The following XPNPEP1 variants were observed in gnomAD, a reference collection of about 807,000 sequenced individuals.
The protein encoded by XPNPEP1 is X-prolyl aminopeptidase 1.
XPNPEP1 carries 39 observed loss-of-function variants against 92.4 expected under a neutral mutation model. The ratio of observed to expected loss-of-function variants is 0.42; its 90% CI spans 0.33 to 0.55. The LOEUF is 0.55. Among genes scored for constraint, XPNPEP1 ranks in the 20% least tolerant of loss-of-function variants. XPNPEP1 has a pLI of 0.08. For synonymous variants in XPNPEP1, 307 were observed against 299.4 expected, an observed-to-expected ratio of 1.03 and a Z score of -0.26; for missense variants, 654 against 856.1, an observed-to-expected ratio of 0.76 and a Z score of 2.95.
At position 109,865,245 on chromosome 10, in the gene XPNPEP1, C is replaced by A. The variant is rs781482813; in HGVS notation, c.1940G>T (p.Gly647Val). The A allele has an allele frequency of 1.2e-5, 20 of 1,614,064 alleles. No individual in the cohort carries two copies. Among genetic ancestry groups the A allele is most frequent in the Non-Finnish European group, 1.5e-5 (18 of 1,180,040 alleles). Reference protein sequence around the residue: ...DVIGKELQKQGRQEALEWLIR... With the variant: ...DVIGKELQKQVRQEALEWLIR... ...GAGCCACTCGAGAGCTTCCTGGCGGCCCTGTTTCTGCAATTCCTTCCCAAT... is the reference window on the plus strand; with the variant it reads ...GAGCCACTCGAGAGCTTCCTGGCGGACCTGTTTCTGCAATTCCTTCCCAAT... Residue 647 changes from glycine to valine, a missense_variant, in exon 21 of 21, where the codon GGC becomes GTC. Gly to Val is a moderately radical substitution (Grantham distance 109). Coordinates refer to ENST00000502935, the MANE Select transcript of XPNPEP1 (RefSeq NM_020383.4).
intron 9 of XPNPEP1, chr10:109,883,691 C>T (rs758086156): frequency 7.8e-5 from 14 of 178,888 alleles, no homozygotes; most frequent in African/African-American, 2.4e-4. Context: ...TTCAACAAAG[C>T]GTAGTTGGAG....
chr10:109,893,173 G>T, intron 3 of XPNPEP1, 98 bp from the exon 4 acceptor site: 1 of 1,150,574 alleles, frequency 8.7e-7, no homozygotes, highest in Non-Finnish European at 1.3e-6. Context: ...GGACTATGAA[G>T]ACTGGGGAAT....
intron 2 of XPNPEP1, among the ~76,000 whole-genome samples, chr10:109,912,248 G>C (rs375064438): frequency 6.6e-6 from 1 of 152,132 alleles, no homozygotes; most frequent in African/African-American, 2.4e-5. Flanking sequence ...CCTTCAGGCC[G>C]ATCACATTCA....
intron 20 of XPNPEP1, among the ~76,000 whole-genome samples, chr10:109,865,532 A>C (rs1405164184): frequency 1.3e-5 from 2 of 152,214 alleles, no homozygotes; most frequent in African/African-American, 4.8e-5. Context: ...AAAGGCTCCC[A>C]GAACAGTTTA....
chr10:109,914,662 G>A lies in XPNPEP1; in HGVS notation c.121+349C>T, dbSNP rs897506209. ...AAATACAAAATTAGCTGGGCGTGGTGTCGGGCGCCTGTAATCCCAGCTACT... is the reference window on the plus strand; with the variant it reads ...AAATACAAAATTAGCTGGGCGTGGTATCGGGCGCCTGTAATCCCAGCTACT... On this transcript the variant is annotated intron_variant, in intron 2 of 20. Transcript: ENST00000502935. Among the ~76,000 whole-genome samples the A allele has an allele frequency of 5.3e-5, 8 of 152,026 alleles. No individual in the cohort carries two copies. In the East Asian group the frequency reaches 5.8e-4, roughly 11 times the overall value.
chr10:109,910,697 AG>A (rs1849821056), intron 2 of XPNPEP1, among the ~76,000 whole-genome samples: 1 of 152,180 alleles, frequency 6.6e-6, no homozygotes, highest in Non-Finnish European at 1.5e-5. Flanking sequence ...GGTTGTTTCC[AG>A]GTTCTGGTAA....
intron 3 of XPNPEP1, among the ~76,000 whole-genome samples, chr10:109,901,881 A>G (rs984451047): frequency 2.0e-5 from 3 of 152,248 alleles, no homozygotes; most frequent in African/African-American, 7.2e-5. Flanking sequence ...CCATATTTGA[A>G]ACCACAGCAT....
chr10:109,877,817 C>G lies in XPNPEP1; in HGVS notation c.1292G>C (p.Gly431Ala). The G allele has an allele frequency of 1.2e-6, 2 of 1,614,200 alleles. No individual in the cohort carries two copies. The highest frequency in any genetic ancestry group is 1.7e-6 in the Non-Finnish European group (2 of 1,180,046). ...DLSFPTISST[G>A]PNGAIIHYAP... ...GTAGTGAATGATGGCGCCGTTGGGT[C>G]CCGTACTGGAAATTGTTGGGAAGCT... The change falls in exon 14 of 21, where the codon GGA (glycine) becomes GCA (alanine). Residue 431 changes from glycine to alanine, a missense_variant. Physicochemically the swap from Gly to Ala is moderately conservative, Grantham distance 60. Transcript: ENST00000502935.
intron 10 of XPNPEP1, among the ~76,000 whole-genome samples, chr10:109,881,975 T>C (rs997118429): frequency 5.9e-5 from 9 of 152,148 alleles, no homozygotes; most frequent in Admixed American, 2.6e-4. Flanking sequence ...AGAGAAGCAT[T>C]TCCCAAGCTT....
intron 19 of XPNPEP1, 200 bp downstream of exon 19, chr10:109,869,753 G>C (rs1173477853): frequency 3.9e-6 from 2 of 511,266 alleles, no homozygotes; most frequent in Non-Finnish European, 3.5e-6. Context: ...GAAAGTCCCT[G>C]ATATCTGGAG....
Position 109,866,584 on chromosome 10 carries a change from G to A in XPNPEP1, c.1873-1272C>T, listed in dbSNP as rs574451129. Among the ~76,000 whole-genome samples, 12 of 152,332 alleles carry A rather than the reference G, an allele frequency of 7.9e-5. No homozygotes were observed. In the South Asian group the frequency reaches 2.1e-3, roughly 26 times the overall value. On this transcript the variant is annotated intron_variant, in intron 20 of 20. Coordinates refer to ENST00000502935, the MANE Select transcript of XPNPEP1 (RefSeq NM_020383.4). Reference sequence around the variant, plus strand: ...GTTGGAAGTAGGGAGGGAAAAGTGGGAGTGTGGACAGCCTCGGTGGAGCCT... The same window carrying A: ...GTTGGAAGTAGGGAGGGAAAAGTGGAAGTGTGGACAGCCTCGGTGGAGCCT...
intron 1 of XPNPEP1, among the ~76,000 whole-genome samples, chr10:109,921,813 G>A (rs1017281366): frequency 1.3e-5 from 2 of 152,202 alleles, no homozygotes; most frequent in African/African-American, 4.8e-5. Context: ...CCCTCCCTCT[G>A]GCCATAATGA....
intron 15 of XPNPEP1, among the ~76,000 whole-genome samples, chr10:109,874,235 G>C (rs977632917): frequency 2.0e-5 from 3 of 152,128 alleles, no homozygotes; most frequent in Non-Finnish European, 4.4e-5. Context: ...CGCATTCTTG[G>C]TCTACAGCAT....
At chr10:109,885,422 GT>G (rs1013188419) in intron 8 of XPNPEP1, among the ~76,000 whole-genome samples, 3 of 151,858 alleles carry the variant, frequency 2.0e-5, no homozygotes, top group Non-Finnish European at 2.9e-5. Flanking sequence ...CATTTTCCAA[GT>G]TTTCTATCAT....
chr10:109,893,079 G>A lies in XPNPEP1; in HGVS notation c.247-4C>T, dbSNP rs773458487. 5.0e-6 allele frequency: 8 copies of A among 1,613,184 alleles called. 1 individual carries two copies. In the South Asian group the frequency reaches 6.6e-5, roughly 13 times the overall value. On this transcript the variant is annotated splice_region_variant and splice_polypyrimidine_tract_variant and intron_variant, in intron 3 of 20. Coordinates refer to ENST00000502935, the MANE Select transcript of XPNPEP1 (RefSeq NM_020383.4). ...CACATGGAGCAATATACTCACTCTG[G>A]AAAACAAAGATGACAACAAAGTGGG...
At chr10:109,869,767 A>G (rs1369638320) in intron 19 of XPNPEP1, 186 bp downstream of exon 19, 1 of 539,354 alleles carries the variant, frequency 1.9e-6, no homozygotes, top group African/African-American at 1.9e-5. Context: ...TCTGGAGAAG[A>G]AGGCTCCATG....
At chr10:109,895,785 T>C (rs1206680543) in intron 3 of XPNPEP1, among the ~76,000 whole-genome samples, 1 of 152,214 alleles carries the variant, frequency 6.6e-6, no homozygotes, top group Non-Finnish European at 1.5e-5. Context: ...CCATTTCTAA[T>C]AGCAGCACTC....
Position 109,897,906 on chromosome 10 carries a change from G to A in XPNPEP1, c.247-4831C>T, listed in dbSNP as rs1198181648. Among the ~76,000 whole-genome samples, 9 of 151,904 alleles carry A rather than the reference G, an allele frequency of 5.9e-5. No individual in the cohort carries two copies. In the South Asian group the frequency reaches 1.3e-3, roughly 21 times the overall value. On this transcript the variant is annotated intron_variant, in intron 3 of 20. Transcript: ENST00000502935. The stretch of plus-strand genomic sequence containing the variant: ...TGACCTCAAGTGATCCGCCTGCCTC[G>A]ACCTCCCAAAGTGCTGGGATTATGG...
chr10:109,877,908 T>C, intron 13 of XPNPEP1, 41 bp from the exon 14 acceptor site: 2 of 1,614,182 alleles, frequency 1.2e-6, no homozygotes, highest in Non-Finnish European at 8.5e-7. Flanking sequence ...TTAAAGGTTT[T>C]TACTGTGCTA....
Sources: allele counts gnomAD v4.1 joint callset (sites outside exome capture counted in the v4.1 genomes callset), GRCh38; gene constraint gnomAD v4.1.1; transcripts MANE v1.5; gene names NCBI Gene and HGNC (gene_info 2026-07-23, HGNC 2026-07-21).